LSG1: variants seen among roughly 807,000 people sequenced by gnomAD.
The protein encoded by LSG1 is large subunit GTPase 1 homolog.
LSG1 carries 55 observed loss-of-function variants against 82.6 expected under a neutral mutation model. The observed-to-expected ratio is 0.67, with a 90% CI of 0.54 to 0.83. The LOEUF is 0.83. Among genes scored for constraint, LSG1 ranks in the 40% least tolerant of loss-of-function variants. The probability of loss-of-function intolerance (pLI) is 0.00; values close to 1 mark genes in which losing one functional copy is unlikely to be tolerated. For synonymous variants in LSG1, 272 were observed against 282.5 expected (o/e 0.96, Z 0.37); for missense variants, 809 against 807.9 (o/e 1.00, Z -0.02).
At chr3:194,653,519 A>G (rs76074964) in intron 7 of LSG1, among the ~76,000 whole-genome samples, 1 of 121,976 alleles carries the variant, frequency 8.2e-6, no homozygotes, top group Non-Finnish European at 1.9e-5. Flanking sequence ...GTCTCACAAA[A>G]AAAAAAAAAA....
In LSG1 at chr3:194,670,113, T is replaced by C; in HGVS notation, c.122A>G (p.Asp41Gly). The change falls in exon 2 of 14, where the codon GAT (aspartate) becomes GGT (glycine). Residue 41 changes from aspartate (D) to glycine (G), a missense_variant. Coordinates refer to ENST00000265245, the MANE Select transcript of LSG1 (RefSeq NM_018385.3). ...DSWLHTSELN[D>G]GYDWGRLNLQ... ...ATTAAGACGACCCCAATCATAGCCA[T>C]CATTGAGTTCACTTGTGTGCAACTA... is the stretch of plus-strand genomic sequence containing the variant. 1.2e-6 allele frequency: 2 copies of C among 1,608,334 alleles called. No homozygotes were observed. Among genetic ancestry groups the C allele is most frequent in the Non-Finnish European group, 1.7e-6 (2 of 1,178,400 alleles).
chr3:194,669,865 G>A, intron 2 of LSG1, 144 bp downstream of exon 2: 1 of 874,636 alleles, frequency 1.1e-6, no homozygotes, highest in Non-Finnish European at 1.7e-6. Context: ...CCAGGAGGCG[G>A]AGCTGCAGTG....
intron 2 of LSG1, among the ~76,000 whole-genome samples, chr3:194,669,623 T>TTGAA (rs1719102380): frequency 6.6e-6 from 1 of 152,178 alleles, no homozygotes; most frequent in Non-Finnish European, 1.5e-5. Flanking sequence ...CATCTGTCCT[T>TTGAA]TGAACATCTA....
chr3:194,659,107 G>T lies in LSG1; in HGVS notation c.609C>A (p.Ala203=). ...DLECYVKEMD[A]NKENVILINK... The stretch of plus-strand genomic sequence containing the variant: ...TGATCAGAATGACGTTCTCCTTATT[G>T]GCATCCATTTCTTTCACATAACATT... The change falls in exon 7 of 14, where the codon GCC becomes GCA. Residue 203 remains alanine, a synonymous_variant. Transcript: ENST00000265245. The T allele has an allele frequency of 6.2e-7, 1 of 1,613,408 alleles. No homozygotes were observed. The highest frequency in any genetic ancestry group is 8.5e-7 in the Non-Finnish European group (1 of 1,179,512).
chr3:194,652,345 C>G (rs903046679), intron 8 of LSG1, among the ~76,000 whole-genome samples: 1 of 152,208 alleles, frequency 6.6e-6, no homozygotes, highest in African/African-American at 2.4e-5. Context: ...CCCTATTAAG[C>G]ATCTGGAACA....
chr3:194,662,126 C>A (rs1296732486), intron 5 of LSG1, among the ~76,000 whole-genome samples: 2 of 152,224 alleles, frequency 1.3e-5, no homozygotes, highest in African/African-American at 2.4e-5. Flanking sequence ...AACATCAGCT[C>A]TATCTCTCCA....
At chr3:194,644,331 C>T (rs1000044771) in intron 13 of LSG1, among the ~76,000 whole-genome samples, 9 of 143,510 alleles carry the variant, frequency 6.3e-5, no homozygotes, top group Admixed American at 2.2e-4. Flanking sequence ...CACTGCAGTC[C>T]GCAGTCCGGC....
At chr3:194,670,456 AC>A (rs1221287487) in intron 1 of LSG1, among the ~76,000 whole-genome samples, 4 of 152,214 alleles carry the variant, frequency 2.6e-5, no homozygotes, top group Admixed American at 1.3e-4. Flanking sequence ...TAGAACTTGA[AC>A]CCAGATTGTC....
intron 5 of LSG1, among the ~76,000 whole-genome samples, chr3:194,663,010 A>G (rs1718964910): frequency 6.6e-6 from 1 of 152,228 alleles, no homozygotes; most frequent in Non-Finnish European, 1.5e-5. Context: ...CGTAAAAGTC[A>G]GAAACCAGGA....
chr3:194,656,365 G>A (rs1361087196), intron 7 of LSG1, among the ~76,000 whole-genome samples: 1 of 151,680 alleles, frequency 6.6e-6, no homozygotes, highest in Non-Finnish European at 1.5e-5. Context: ...CTCAAAAGAA[G>A]ACATTTATGC....
chr3:194,644,378 AAATAAAAATAAATAAATAAAT>A (rs1560218721), intron 13 of LSG1, among the ~76,000 whole-genome samples, 174 bp downstream of exon 13: 1 of 77,840 alleles, frequency 1.3e-5, no homozygotes, highest in Non-Finnish European at 2.8e-5. Context: ...CAAAAAAAAA[AAATAAAAATAAATAAATAAAT>A]AAATAAATAA....
At chr3:194,642,558 T>G (rs1401396968) in intron 13 of LSG1, among the ~76,000 whole-genome samples, 1 of 151,892 alleles carries the variant, frequency 6.6e-6, no homozygotes, top group Non-Finnish European at 1.5e-5. Flanking sequence ...TCAACCACAT[T>G]AGAAATGGAC....
At chr3:194,646,507 CTCTT>C (rs1341258257) in intron 11 of LSG1, 4 of 299,624 alleles carry the variant, frequency 1.3e-5, no homozygotes, top group East Asian at 1.2e-4. Context: ...GTTATTTCTT[CTCTT>C]TATTTTATTT....
At chr3:194,651,804 A>AGGGGGGG (rs1334292797) in intron 8 of LSG1, among the ~76,000 whole-genome samples, 6 of 152,184 alleles carry the variant, frequency 3.9e-5, no homozygotes, top group Admixed American at 2.6e-4. Context: ...TAGAGAATGA[A>AGGGGGGG]GCTTTAAAGC....
chr3:194,658,382 G>A (rs1157934055), intron 7 of LSG1, among the ~76,000 whole-genome samples: 4 of 152,136 alleles, frequency 2.6e-5, no homozygotes, highest in African/African-American at 9.7e-5. Context: ...CCCGACCTCA[G>A]GTGATCTGCC....
intron 11 of LSG1, among the ~76,000 whole-genome samples, chr3:194,647,664 G>A (rs1457168939): frequency 6.6e-6 from 1 of 152,116 alleles, no homozygotes. Flanking sequence ...CAGTTGTATC[G>A]GAAGTACAAT....
chr3:194,665,636 C>T lies in LSG1; in HGVS notation c.442G>A (p.Glu148Lys), dbSNP rs1283030016. Residue 148 changes from glutamate to lysine, a missense_variant, in exon 5 of 14, where the codon GAG (glutamate) becomes AAG (lysine). Coordinates refer to ENST00000265245, the MANE Select transcript of LSG1 (RefSeq NM_018385.3). ...GGAGTCAATATCAGCTTCTGTTCCT[C>T]TTCTAGCCTAGTTTTTGAATGAGAA... is the stretch of plus-strand genomic sequence containing the variant. ...EWRRQLVRLE[E>K]EQKLILTPFE... 2 of 1,609,130 alleles carry T rather than the reference C, an allele frequency of 1.2e-6. No individual in the cohort carries two copies. The highest frequency in any genetic ancestry group is 1.7e-6 in the Non-Finnish European group (2 of 1,176,966).
In LSG1 at chr3:194,666,587, A is replaced by G; in HGVS notation, c.227-15T>C. On this transcript the variant is annotated splice_polypyrimidine_tract_variant and intron_variant, in intron 2 of 13. Transcript: ENST00000265245. ...ATTAAGTTTCTCTGTTCAAATAAAG[A>G]AAAGTACTATTACTTAAGAGGCAGT... The G allele has an allele frequency of 1.2e-6, 2 of 1,604,702 alleles. No homozygotes were observed. The highest frequency in any genetic ancestry group is 1.7e-6 in the Non-Finnish European group (2 of 1,174,082).
chr3:194,665,532 T>G (rs1357446521), intron 5 of LSG1, 25 bp downstream of exon 5: 5 of 1,565,730 alleles, frequency 3.2e-6, no homozygotes, highest in Admixed American at 3.5e-5. Context: ...ATGTCTTTAT[T>G]ACACAAAAGA....
Sources: gnomAD v4.1 joint callset for allele counts (sites outside exome capture counted in the v4.1 genomes callset) on GRCh38, gnomAD v4.1.1 for gene constraint, MANE v1.5 for transcripts, NCBI Gene and HGNC (gene_info 2026-07-23, HGNC 2026-07-21) for gene names.